KIAA1217: variants seen among roughly 807,000 people sequenced by gnomAD.
The protein encoded by KIAA1217 is sickle tail protein homolog.
Under a neutral mutation model 163.9 loss-of-function variants are expected in KIAA1217, and 88 were observed. That is an observed-to-expected ratio of 0.54 (90% CI 0.45 to 0.64). The LOEUF (loss-of-function observed/expected upper bound fraction) is 0.64, where lower values mean the gene tolerates loss of function less well. KIAA1217 is among the 30% of genes least tolerant of loss of function. The pLI is 0.00. For synonymous variants in KIAA1217, 903 were observed against 923.1 expected (o/e 0.98, Z 0.39); for missense variants, 2,372 against 2,475.0 (o/e 0.96, Z 0.88).
At chr10:23,792,124 T>C (rs1835976813) in intron 1 of KIAA1217, among the ~76,000 whole-genome samples, 1 of 152,244 alleles carries the variant, frequency 6.6e-6, no homozygotes, top group African/African-American at 2.4e-5. Context: ...CATTTTATGA[T>C]ATGTTTTATC....
At chr10:24,347,950 C>A (rs568989410) in intron 2 of KIAA1217, among the ~76,000 whole-genome samples, 2 of 152,158 alleles carry the variant, frequency 1.3e-5, no homozygotes, top group Non-Finnish European at 2.9e-5. Flanking sequence ...TAATGGAATG[C>A]GTGTCATTCA....
At chr10:23,853,395 G>A (rs1839462868) in intron 1 of KIAA1217, among the ~76,000 whole-genome samples, 1 of 152,142 alleles carries the variant, frequency 6.6e-6, no homozygotes, top group Non-Finnish European at 1.5e-5. Flanking sequence ...GCTTTTTGAT[G>A]TGCTGCTGGA....
At chr10:23,918,501 C>T (rs1169978154) in intron 1 of KIAA1217, among the ~76,000 whole-genome samples, 5 of 152,090 alleles carry the variant, frequency 3.3e-5, no homozygotes, top group Admixed American at 6.6e-5. Context: ...TGCTGCAGTG[C>T]TGGGTCACAG....
chr10:24,377,459 C>T (rs1591438749), intron 2 of KIAA1217, among the ~76,000 whole-genome samples: 1 of 152,300 alleles, frequency 6.6e-6, no homozygotes, highest in East Asian at 1.9e-4. Flanking sequence ...GTAGGCCATG[C>T]ATGACTGAGA....
chr10:24,007,788 AG>A (rs936337393), intron 2 of KIAA1217, among the ~76,000 whole-genome samples: 1 of 152,180 alleles, frequency 6.6e-6, no homozygotes, highest in Non-Finnish European at 1.5e-5. Flanking sequence ...GTGTCTATGG[AG>A]GGAATAGAAT....
intron 1 of KIAA1217, among the ~76,000 whole-genome samples, chr10:23,855,338 T>G (rs1392874423): frequency 6.6e-6 from 1 of 152,206 alleles, no homozygotes; most frequent in African/African-American, 2.4e-5. Context: ...TGTTGAATAT[T>G]GGCCCCTACT....
At chr10:23,873,085 CAAGTTAGAA>C (rs1371669818) in intron 1 of KIAA1217, among the ~76,000 whole-genome samples, 1 of 151,884 alleles carries the variant, frequency 6.6e-6, no homozygotes, top group Non-Finnish European at 1.5e-5. Context: ...AAACATGAAC[CAAGTTAGAA>C]GCAGGATATT....
intron 11 of KIAA1217, 87 bp downstream of exon 11, chr10:24,520,340 T>C (rs1385608828): frequency 3.1e-5 from 47 of 1,533,876 alleles, no homozygotes; most frequent in Non-Finnish European, 4.2e-5. Flanking sequence ...TTCATTCATG[T>C]ATGCAAGTAT....
At chr10:23,789,787 CACTT>C (rs1394596746) in intron 1 of KIAA1217, among the ~76,000 whole-genome samples, 8 of 151,682 alleles carry the variant, frequency 5.3e-5, no homozygotes, top group Admixed American at 1.3e-4. Flanking sequence ...ATTTCTCTAA[CACTT>C]ACTAAGCTGT....
At chr10:24,389,659 G>T (rs908736304) in intron 3 of KIAA1217, among the ~76,000 whole-genome samples, 40 of 152,254 alleles carry the variant, frequency 2.6e-4, no homozygotes, top group African/African-American at 8.4e-4. Flanking sequence ...GCTGGGAGTG[G>T]GTGGTTAGGG....
At chr10:24,380,793 G>T in intron 2 of KIAA1217, 76 bp from the exon 3 acceptor site, 1 of 1,123,266 alleles carries the variant, frequency 8.9e-7, no homozygotes, top group Non-Finnish European at 1.2e-6. Flanking sequence ...CAGATTAATA[G>T]AAATGGCATT....
chr10:24,041,667 C>T (rs1419384621), intron 2 of KIAA1217, among the ~76,000 whole-genome samples: 2 of 152,140 alleles, frequency 1.3e-5, no homozygotes, highest in Non-Finnish European at 2.9e-5. Flanking sequence ...TGTCATGGTG[C>T]TGTGCCTGTT....
intron 1 of KIAA1217, among the ~76,000 whole-genome samples, chr10:23,831,784 C>A (rs1218133168): frequency 6.6e-6 from 1 of 152,062 alleles, no homozygotes; most frequent in Non-Finnish European, 1.5e-5. Flanking sequence ...AGCTATCAAC[C>A]TTAAATAGTA....
At chr10:23,919,941 A>G (rs1842792557) in intron 1 of KIAA1217, among the ~76,000 whole-genome samples, 1 of 152,180 alleles carries the variant, frequency 6.6e-6, no homozygotes, top group Admixed American at 6.5e-5. Context: ...TCTCAGACAC[A>G]ATTTTTACAG....
In KIAA1217 at chr10:23,966,222, C is replaced by T. The variant is rs567288855; in HGVS notation, c.-320-41003C>T. On this transcript the variant is annotated intron_variant, in intron 1 of 18. Coordinates refer to the KIAA1217 transcript ENST00000376462. Reference sequence around the variant, plus strand: ...TCATTCTCCCCTGAGATCACGCTGACTGATAGACAACAAGCCTCTGTGGGC... The same window carrying T: ...TCATTCTCCCCTGAGATCACGCTGATTGATAGACAACAAGCCTCTGTGGGC... Among the ~76,000 whole-genome samples the T allele has an allele frequency of 7.2e-5, 11 of 152,302 alleles. No individual in the cohort carries two copies. The South Asian group carries it at 2.3e-3, about 32-fold the overall frequency.
chr10:24,335,754 C>T (rs1044158808), intron 2 of KIAA1217, among the ~76,000 whole-genome samples: 3 of 152,028 alleles, frequency 2.0e-5, no homozygotes, highest in Non-Finnish European at 2.9e-5. Flanking sequence ...GGACTACAGG[C>T]ATGTGCCACC....
chr10:24,232,935 CAAAAAAAAAAAAAAA>C (rs908492411), intron 2 of KIAA1217, among the ~76,000 whole-genome samples: 9 of 56,318 alleles, frequency 1.6e-4, no homozygotes, highest in Admixed American at 8.8e-4. Flanking sequence ...CTTATCTCTA[CAAAAAAAAAAAAAAA>C]AAAAAAAAAA....
At chr10:23,801,500 T>C (rs1428287166) in intron 1 of KIAA1217, among the ~76,000 whole-genome samples, 2 of 152,090 alleles carry the variant, frequency 1.3e-5, no homozygotes, top group South Asian at 4.1e-4. Context: ...AAAAGCATGG[T>C]CCAAATCAAA....
intron 3 of KIAA1217, among the ~76,000 whole-genome samples, chr10:24,388,469 T>A (rs2054339154): frequency 6.6e-6 from 1 of 152,136 alleles, no homozygotes. Context: ...GAAGAAAACC[T>A]AGGCAATACC....
Sources: gnomAD v4.1 joint callset for allele counts (sites outside exome capture counted in the v4.1 genomes callset) on GRCh38, gnomAD v4.1.1 for gene constraint, MANE v1.5 for transcripts, NCBI Gene and HGNC (gene_info 2026-07-23, HGNC 2026-07-21) for gene names.